The following BAIAP2 variants were observed in gnomAD, a reference collection of about 807,000 sequenced individuals.
The protein encoded by BAIAP2 is BAR/IMD domain-containing adapter protein 2.
BAIAP2 carries 18 observed loss-of-function variants against 63.0 expected under a neutral mutation model. That is an observed-to-expected ratio of 0.29 (90% confidence interval 0.20 to 0.42). BAIAP2 has a LOEUF of 0.42. Ranked by LOEUF, BAIAP2 falls within the 10% of genes least tolerant of loss-of-function variation. BAIAP2 has a pLI of 1.00. For synonymous variants in BAIAP2, 386 were observed against 307.6 expected (o/e 1.25, Z -2.67); for missense variants, 610 against 734.3 (o/e 0.83, Z 1.96).
In BAIAP2 at chr17:81,085,339, G is replaced by A. The variant is rs1417844355; in HGVS notation, c.280-315G>A. ...GTCAGTTCAGGCCCATGGGCCCTGC[G>A]ACCTCTCAGCCTGTGTCGCAGTGAT... On this transcript the variant is annotated intron_variant, in intron 4 of 13. Transcript: ENST00000428708. The A allele has an allele frequency of 2.7e-5, 15 of 554,772 alleles. No homozygotes were observed. The East Asian group carries it at 4.2e-4, about 15-fold the overall frequency. The allele number at this position is 554,772 out of a possible 1,614,324, so 34.4% of individuals were successfully genotyped here. A position where few individuals can be genotyped will look rare whatever the true frequency, so the allele number is the denominator to read the frequency against.
At chr17:81,098,860 C>G (rs1183400196) in intron 6 of BAIAP2, among the ~76,000 whole-genome samples, 1 of 152,354 alleles carries the variant, frequency 6.6e-6, no homozygotes, top group East Asian at 1.9e-4. Flanking sequence ...TGCCCTGGTT[C>G]TAGGGTCTGG....
At chr17:81,040,436 G>A (rs2143491017) in intron 1 of BAIAP2, among the ~76,000 whole-genome samples, 1 of 152,354 alleles carries the variant, frequency 6.6e-6, no homozygotes, top group Non-Finnish European at 1.5e-5. Flanking sequence ...GCCCCTGGCT[G>A]TGCCTGTACA....
chr17:81,101,089 C>T (rs550140030), intron 7 of BAIAP2, among the ~76,000 whole-genome samples: 5 of 152,150 alleles, frequency 3.3e-5, no homozygotes, highest in African/African-American at 1.2e-4. Context: ...GCTAGGTGTC[C>T]CCCGGCACAG....
At chr17:81,089,486 G>A (rs1294536256) in intron 6 of BAIAP2, among the ~76,000 whole-genome samples, 1 of 152,220 alleles carries the variant, frequency 6.6e-6, no homozygotes, top group African/African-American at 2.4e-5. Context: ...GAACTAAGGT[G>A]GCTGGTGGCT....
intron 6 of BAIAP2, among the ~76,000 whole-genome samples, chr17:81,097,295 G>A (rs2057788345): frequency 6.6e-6 from 1 of 152,212 alleles, no homozygotes; most frequent in Non-Finnish European, 1.5e-5. Context: ...TGGGGGATGT[G>A]GCTGGGCAGG....
chr17:81,036,841 T>C (rs1257293975), intron 1 of BAIAP2: 1 of 1,524,086 alleles, frequency 6.6e-7, no homozygotes, highest in African/African-American at 1.4e-5. Context: ...TTAGCTCCAT[T>C]ACGACTTGTT....
intron 13 of BAIAP2, 114 bp downstream of exon 13, chr17:81,108,623 T>TGGCCC (rs2146053012): frequency 7.2e-7 from 1 of 1,380,246 alleles, no homozygotes; most frequent in Non-Finnish European, 1.0e-6. Flanking sequence ...GGGCCCAGCC[T>TGGCCC]GGCCCTTCAC....
At chr17:81,102,866 G>T (rs1212875119) in intron 7 of BAIAP2, among the ~76,000 whole-genome samples, 2 of 152,236 alleles carry the variant, frequency 1.3e-5, no homozygotes, top group African/African-American at 4.8e-5. Context: ...GCCAGGAGGG[G>T]CAGGGGTTAC....
At chr17:81,038,794 G>T (rs978867495) in intron 1 of BAIAP2, among the ~76,000 whole-genome samples, 15 of 152,232 alleles carry the variant, frequency 9.9e-5, no homozygotes, top group Admixed American at 3.9e-4. Context: ...TCTTCCTGGG[G>T]TGTGCAGAGC....
chr17:81,088,362 T>A (rs2056091373), intron 6 of BAIAP2, among the ~76,000 whole-genome samples: 1 of 152,218 alleles, frequency 6.6e-6, no homozygotes, highest in Non-Finnish European at 1.5e-5. Flanking sequence ...CCCTCGAGGC[T>A]CTGTGGGTTT....
intron 1 of BAIAP2, 33 bp from the exon 2 acceptor site, chr17:81,053,635 C>G: frequency 1.2e-6 from 2 of 1,612,736 alleles, no homozygotes; most frequent in South Asian, 2.2e-5. Context: ...TGACCTCTGC[C>G]AGTAATGCTG....
In BAIAP2 at chr17:81,116,138, A is replaced by G. The variant is rs1382864476; in HGVS notation, c.*299A>G. On this transcript the variant is annotated 3_prime_UTR_variant, in exon 14 of 14. Coordinates refer to ENST00000428708, the MANE Select transcript of BAIAP2 (RefSeq NM_001144888.2). ...ATGGAGCCTTGGGTACCCCTGAGTT[A>G]AGGGAGGACATTTGGCCAGCTGGTG... is the stretch of plus-strand genomic sequence containing the variant. 6.3e-7 allele frequency: 1 copy of G among 1,592,998 alleles called. No homozygotes were observed. The highest frequency in any genetic ancestry group is 8.5e-7 in the Non-Finnish European group (1 of 1,170,600).
intron 6 of BAIAP2, among the ~76,000 whole-genome samples, chr17:81,096,889 G>A (rs192675453): frequency 1.3e-5 from 2 of 152,370 alleles, no homozygotes; most frequent in East Asian, 1.9e-4. Flanking sequence ...GGTGCATGTT[G>A]CATAACCAGA....
intron 6 of BAIAP2, chr17:81,098,121 C>A: frequency 7.1e-7 from 1 of 1,412,384 alleles, no homozygotes; most frequent in Non-Finnish European, 9.3e-7. Flanking sequence ...GGGAGGCATG[C>A]TCCTCCCAGA....
Position 81,115,326 on chromosome 17 carries a change from GACGCTCTGCC to G in BAIAP2, c.1536-438_1536-429del, listed in dbSNP as rs1183088089. 2.0e-5 allele frequency among the ~76,000 whole-genome samples: 3 copies of G among 152,354 alleles called. 1 individual carries two copies. Among genetic ancestry groups the G allele is most frequent in the Admixed American group, 2.0e-4 (3 of 15,308 alleles). ...ATGCCCCCATGCCAGGGCTGGGCTGGACGCTCTGCCACGCTGTGTCCCTGGGTGTGGGCCT... is the reference window on the plus strand; with the variant it reads ...ATGCCCCCATGCCAGGGCTGGGCTGGACGCTGTGTCCCTGGGTGTGGGCCT... On this transcript the variant is annotated intron_variant, in intron 13 of 13. Coordinates refer to ENST00000428708, the MANE Select transcript of BAIAP2 (RefSeq NM_001144888.2).
Position 81,105,299 on chromosome 17 carries a change from C to T in BAIAP2, c.1268+584C>T, listed in dbSNP as rs536469412. 8.9e-5 allele frequency: 14 copies of T among 157,268 alleles called. No homozygotes were observed. The South Asian group carries it at 1.1e-3, about 12-fold the overall frequency. The allele number at this position is 157,268 out of a possible 1,614,324, so 9.7% of individuals were successfully genotyped here. On this transcript the variant is annotated intron_variant, in intron 10 of 13. Transcript: ENST00000428708. ...CGCCTCCCTGTGCCACTCAGATTGC[C>T]GCAGGGTGTGGCATCCCACACGTGT...
At chr17:81,090,059 C>A (rs970284853) in intron 6 of BAIAP2, among the ~76,000 whole-genome samples, 1 of 152,176 alleles carries the variant, frequency 6.6e-6, no homozygotes, top group African/African-American at 2.4e-5. Context: ...CTAGAACTTG[C>A]AGCTGCTCCT....
chr17:81,076,203 T>G (rs977701864), intron 3 of BAIAP2: 8 of 152,200 alleles, frequency 5.3e-5, no homozygotes, highest in Admixed American at 1.3e-4. Context: ...GCAGCTTAAC[T>G]CATTTTAAGC....
chr17:81,058,250 G>T (rs889894671), intron 3 of BAIAP2, among the ~76,000 whole-genome samples: 4 of 152,150 alleles, frequency 2.6e-5, no homozygotes, highest in Non-Finnish European at 4.4e-5. Flanking sequence ...TGACATGGGG[G>T]TCTGTGTGCT....
Sources: gnomAD v4.1 joint callset for allele counts (sites outside exome capture counted in the v4.1 genomes callset) on GRCh38, gnomAD v4.1.1 for gene constraint, MANE v1.5 for transcripts, NCBI Gene and HGNC (gene_info 2026-07-23, HGNC 2026-07-21) for gene names.